Variants in LGI2 observed in about 807,000 individuals in gnomAD.
The protein encoded by LGI2 is leucine-rich repeat LGI family member 2.
Under a neutral mutation model 52.0 loss-of-function variants are expected in LGI2, and 30 were observed. The observed-to-expected ratio is 0.58, with a 90% CI of 0.43 to 0.78. The LOEUF is 0.78. Among genes scored for constraint, LGI2 ranks in the 30% least tolerant of loss-of-function variants. The probability of loss-of-function intolerance (pLI) is 0.00; values close to 1 mark genes in which losing one functional copy is unlikely to be tolerated. For missense variants in LGI2, 573 were observed against 692.5 expected (o/e 0.83, Z 1.94); for synonymous variants, 270 against 271.8 (o/e 0.99, Z 0.06).
Position 25,004,333 on chromosome 4 carries a change from A to T in LGI2, c.821-65T>A. Reference sequence around the variant, plus strand: ...CAGCTAAAAACGCATCTCCGCTTGTACTCTTATACACTGCTGGTGGGAGTG... The same window carrying T: ...CAGCTAAAAACGCATCTCCGCTTGTTCTCTTATACACTGCTGGTGGGAGTG... On this transcript the variant is annotated intron_variant, in intron 7 of 7. Coordinates refer to ENST00000382114, the MANE Select transcript of LGI2 (RefSeq NM_018176.4). This position sits in a 1 kb window ranked among gnomAD's most constrained non-coding sequence, Gnocchi z 4.6. The T allele has an allele frequency of 7.5e-7, 1 of 1,333,728 alleles. No homozygotes were observed. Among genetic ancestry groups the T allele is most frequent in the Admixed American group, 2.0e-5 (1 of 49,912 alleles). The allele number at this position is 1,333,728 out of a possible 1,614,324, so 82.6% of individuals were successfully genotyped here. A position where few individuals can be genotyped will look rare whatever the true frequency, so the allele number is the denominator to read the frequency against.
At position 25,030,664 on chromosome 4, in the gene LGI2, C is replaced by T. The variant is rs1276522639; in HGVS notation, c.30G>A (p.Ala10=). Residue 10 remains alanine, a synonymous_variant, in exon 1 of 8, where the codon GCG becomes GCA. Transcript: ENST00000382114. ...CCAGCAGCAGCAGCAGCAGCCCGAG[C>T]GCTCCGCAGCCGCCTCTCCGCAGCG... MALRRGGCG[A]LGLLLLLLGA... 2.0e-6 allele frequency: 3 copies of T among 1,521,580 alleles called. No individual in the cohort carries two copies. The highest frequency in any genetic ancestry group is 2.0e-5 in the Admixed American group (1 of 49,120). 94.3% of individuals were successfully genotyped at this position (1,521,580 alleles called of 1,614,324 possible). A position where few individuals can be genotyped will look rare whatever the true frequency, so the allele number is the denominator to read the frequency against.
rs766757437 is a variant in LGI2 at position 25,003,717 on chromosome 4, C to G, written c.1372G>C (p.Ala458Pro). The G allele has an allele frequency of 3.7e-6, 6 of 1,614,052 alleles. No homozygotes were observed. The African/African-American group carries it at 6.7e-5, about 18-fold the overall frequency. The change falls in exon 8 of 8, where the codon GCT becomes CCT. Residue 458 changes from alanine to proline, a missense_variant. Physicochemically the swap from Ala to Pro is conservative, Grantham distance 27. Coordinates refer to ENST00000382114, the MANE Select transcript of LGI2 (RefSeq NM_018176.4). ...GTCATGGCCCCCCGGGATGGAAGAG[C>G]TTGGATCTCCACAAACTGCTTACTG... The part of the protein sequence containing the change: ...WNSKQFVEIQ[A>P]LPSRGAMTLQ...
Position 25,014,001 on chromosome 4 carries a change from C to G in LGI2, c.656-1502G>C, listed in dbSNP as rs567681971. On this transcript the variant is annotated intron_variant, in intron 6 of 7. Transcript: ENST00000382114. ...AGAAAGGGGAAATGGCAGCAGTCATCATGTGCTCCCTTTTCTGGGGATATA... is the reference window on the plus strand; with the variant it reads ...AGAAAGGGGAAATGGCAGCAGTCATGATGTGCTCCCTTTTCTGGGGATATA... Among the ~76,000 whole-genome samples the G allele has an allele frequency of 6.6e-5, 10 of 152,340 alleles. No individual in the cohort carries two copies. The East Asian group carries it at 1.5e-3, about 24-fold the overall frequency.
chr4:25,022,759 G>A (rs1726014103), intron 4 of LGI2, among the ~76,000 whole-genome samples: 1 of 152,180 alleles, frequency 6.6e-6, no homozygotes, highest in Non-Finnish European at 1.5e-5. Context: ...ATACCTGCTT[G>A]TTCACACCCT....
chr4:24,993,411 A>G, the LGI2 span, among the ~76,000 whole-genome samples: 14 of 152,300 alleles, frequency 9.2e-5, no homozygotes, highest in African/African-American at 3.4e-4. Context: ...GAGTTAAGGT[A>G]TGTAACACTC....
downstream of LGI2, among the ~76,000 whole-genome samples, chr4:24,995,035 GAT>G (rs1725026873): frequency 6.6e-6 from 1 of 152,128 alleles, no homozygotes; most frequent in Non-Finnish European, 1.5e-5. Context: ...AATCTCCCTG[GAT>G]TTTTTAGCTA....
chr4:24,999,178 G>T lies in LGI2; in HGVS notation c.*4273C>A, dbSNP rs1472717033. ...AAAGTAGATTTTGATACAAGCAATG[G>T]AATACAGTAAGGATAATAATAACTT... is the stretch of plus-strand genomic sequence containing the variant. On this transcript the variant is annotated 3_prime_UTR_variant, in exon 8 of 8. Coordinates refer to ENST00000382114, the MANE Select transcript of LGI2 (RefSeq NM_018176.4). 1 of 152,120 alleles carries T rather than the reference G, an allele frequency of 6.6e-6. No individual in the cohort carries two copies. The highest frequency in any genetic ancestry group is 1.5e-5 in the Non-Finnish European group (1 of 68,022). The allele number at this position is 152,120 out of a possible 1,614,324, so 9.4% of individuals were successfully genotyped here. A position where few individuals can be genotyped will look rare whatever the true frequency, so the allele number is the denominator to read the frequency against.
downstream of LGI2, among the ~76,000 whole-genome samples, chr4:24,996,457 A>T (rs1214221181): frequency 1.3e-5 from 2 of 152,234 alleles, no homozygotes; most frequent in Non-Finnish European, 2.9e-5. Flanking sequence ...TAGAAATAAA[A>T]ATATTTGTAA....
At chr4:25,006,483 T>G (rs10012963) in intron 7 of LGI2, among the ~76,000 whole-genome samples, 15,542 of 152,234 alleles carry the variant, frequency 0.1, 1,339 homozygotes, top group African/African-American at 0.24. Context: ...CTGGGTGGTT[T>G]TCAGAGTGGC....
rs184448787 is a variant in LGI2 at position 25,011,412 on chromosome 4, C to T, written c.820+923G>A. ...GCCAGCTCATCTGAAATGGCATCCT[C>T]GGAGCATCCGTTGTACATCTCACAC... On this transcript the variant is annotated intron_variant, in intron 7 of 7. Coordinates refer to ENST00000382114, the MANE Select transcript of LGI2 (RefSeq NM_018176.4). Among the ~76,000 whole-genome samples the T allele has an allele frequency of 2.2e-3, 341 of 152,226 alleles. 1 individual carries two copies. Among genetic ancestry groups the T allele is most frequent in the African/African-American group, 7.9e-3 (329 of 41,546 alleles).
At position 25,004,102 on chromosome 4, in the gene LGI2, G is replaced by A. The variant is rs183027920; in HGVS notation, c.987C>T (p.Ile329=). 95 of 1,614,168 alleles carry A rather than the reference G, an allele frequency of 5.9e-5. No homozygotes were observed. The highest frequency in any genetic ancestry group is 1.3e-4 in the East Asian group (6 of 44,882). ...TCTCGTCGTCGATCTGAAACAGCTC[G>A]ATGTCATTGGGCTTGGAAATGCGAG... The part of the protein sequence containing the change: ...EVSRISKPND[I]ELFQIDDETF... The change falls in exon 8 of 8, where the codon ATC becomes ATT. Residue 329 remains isoleucine (I), a synonymous_variant. Coordinates refer to ENST00000382114, the MANE Select transcript of LGI2 (RefSeq NM_018176.4). This position sits in a 1 kb window ranked among gnomAD's most constrained non-coding sequence, Gnocchi z 4.6.
At chr4:25,006,207 G>A (rs993053001) in intron 7 of LGI2, among the ~76,000 whole-genome samples, 6 of 152,056 alleles carry the variant, frequency 3.9e-5, no homozygotes, top group East Asian at 1.9e-4. Context: ...ACCATTTTCC[G>A]TGGTGACTCT....
In LGI2 at chr4:25,004,137, T is replaced by C. The variant is rs1327999030; in HGVS notation, c.952A>G (p.Ile318Val). The C allele has an allele frequency of 4.3e-6, 7 of 1,614,086 alleles. No individual in the cohort carries two copies. In the African/African-American group the frequency reaches 5.3e-5, roughly 12 times the overall value. The change falls in exon 8 of 8, where the codon ATA becomes GTA. Residue 318 changes from isoleucine to valine, a missense_variant. Physicochemically the swap from Ile to Val is conservative, Grantham distance 29. Coordinates refer to ENST00000382114, the MANE Select transcript of LGI2 (RefSeq NM_018176.4). The surrounding 1 kb of genome is among the most constrained non-coding windows in gnomAD (Gnocchi z 4.6). Reference sequence around the variant, plus strand: ...GGCTTGGAAATGCGAGAGACCTCTATGTCTTGGAATTTGACAAATTTGGTC... The same window carrying C: ...GGCTTGGAAATGCGAGAGACCTCTACGTCTTGGAATTTGACAAATTTGGTC... ...SWTKFVKFQD[I>V]EVSRISKPND...
intron 3 of LGI2, among the ~76,000 whole-genome samples, chr4:25,025,683 A>G (rs946001189): frequency 6.6e-6 from 1 of 152,252 alleles, no homozygotes; most frequent in Non-Finnish European, 1.5e-5. Flanking sequence ...GTCAAATATA[A>G]GAGGGTCTTT....
In LGI2 at chr4:25,018,013, A is replaced by G. The variant is rs751260333; in HGVS notation, c.631T>C (p.Phe211Leu). 1 of 1,612,236 alleles carries G rather than the reference A, an allele frequency of 6.2e-7. No homozygotes were observed. The highest frequency in any genetic ancestry group is 1.1e-5 in the South Asian group (1 of 90,504). Residue 211 changes from phenylalanine to leucine, a missense_variant, in exon 6 of 8, where the codon TTT becomes CTT. Transcript: ENST00000382114. Reference sequence around the variant, plus strand: ...CCTGTAGTTGTGCATTCATAGTCAAAGCTGGTCACGTCATTTAGCTTCTTT... The same window carrying G: ...CCTGTAGTTGTGCATTCATAGTCAAGGCTGGTCACGTCATTTAGCTTCTTT... ...QEKKLNDVTSFDYECTTTDFV... is the reference protein window; with the variant it reads ...QEKKLNDVTSLDYECTTTDFV...
chr4:25,029,923 G>A (rs1248427373), intron 1 of LGI2, among the ~76,000 whole-genome samples: 1 of 152,130 alleles, frequency 6.6e-6, no homozygotes, highest in African/African-American at 2.4e-5. Context: ...CCTTGACCTC[G>A]ACTTTTTGCA....
intron 4 of LGI2, among the ~76,000 whole-genome samples, chr4:25,022,101 C>T (rs1411803661): frequency 6.6e-6 from 1 of 152,134 alleles, no homozygotes; most frequent in Non-Finnish European, 1.5e-5. Flanking sequence ...GGGAAGATCA[C>T]TAAAAGTCCT....
chr4:24,999,774 C>A lies in LGI2; in HGVS notation c.*3677G>T, dbSNP rs1725183489. On this transcript the variant is annotated 3_prime_UTR_variant, in exon 8 of 8. Transcript: ENST00000382114. ...TCCTAAAAATACACAGACTCTCACT[C>A]CATGGGGAAGAAAAAATGCAACTCT... 1 of 455,896 alleles carries A rather than the reference C, an allele frequency of 2.2e-6. No homozygotes were observed. The highest frequency in any genetic ancestry group is 1.6e-5 in the South Asian group (1 of 64,440). 28.2% of individuals were successfully genotyped at this position (455,896 alleles called of 1,614,324 possible).
chr4:24,997,551 A>G (rs1463227564), downstream of LGI2, among the ~76,000 whole-genome samples: 1 of 152,238 alleles, frequency 6.6e-6, no homozygotes, highest in Non-Finnish European at 1.5e-5. Context: ...CTGACCTGAC[A>G]TAACCTTTCC....
Sources: allele counts gnomAD v4.1 joint callset (sites outside exome capture counted in the v4.1 genomes callset), GRCh38; gene constraint gnomAD v4.1.1; non-coding constraint Gnocchi (gnomAD v3.1); transcripts MANE v1.5; gene names NCBI Gene and HGNC (gene_info 2026-07-23, HGNC 2026-07-21).